The following FRMD4A variants were observed in gnomAD, a reference collection of about 807,000 sequenced individuals.
FRMD4A encodes FERM domain containing 4A, also known as FERM domain-containing protein 4A.
FRMD4A carries 29 observed loss-of-function variants against 129.1 expected under a neutral mutation model. The ratio of observed to expected loss-of-function variants is 0.22; its 90% CI spans 0.17 to 0.31. FRMD4A has a LOEUF of 0.31. Ranked by LOEUF, FRMD4A falls within the 10% of genes least tolerant of loss-of-function variation. The pLI is 1.00. For missense variants in FRMD4A, 1,272 were observed against 1,375.8 expected, an observed-to-expected ratio of 0.92 and a Z score of 1.19; for synonymous variants, 634 against 571.6, an observed-to-expected ratio of 1.11 and a Z score of -1.56.
chr10:14,244,534 G>C (rs956781031), intron 2 of FRMD4A, among the ~76,000 whole-genome samples: 2 of 152,170 alleles, frequency 1.3e-5, no homozygotes, highest in Admixed American at 6.5e-5. Flanking sequence ...ATTATAATTT[G>C]ATGTGATATT....
intron 2 of FRMD4A, among the ~76,000 whole-genome samples, chr10:14,163,613 C>T (rs143135760): frequency 1.6e-3 from 241 of 152,256 alleles, no homozygotes; most frequent in African/African-American, 5.3e-3. Flanking sequence ...GCACTCGTTA[C>T]GAGCACTTAA....
In FRMD4A at chr10:14,078,215, G is replaced by A. The variant is rs139456245; in HGVS notation, c.46-219303C>T. 3.3e-5 allele frequency among the ~76,000 whole-genome samples: 5 copies of A among 152,288 alleles called. No individual in the cohort carries two copies. The East Asian group carries it at 5.8e-4, about 18-fold the overall frequency. ...CTTAGCTGGAACATGAATGAACCCA[G>A]CCATGATTGCAACATTCTCATGGCC... On this transcript the variant is annotated intron_variant, in intron 2 of 24. Transcript: ENST00000357447.
chr10:14,256,113 A>C (rs1844606298), intron 2 of FRMD4A, among the ~76,000 whole-genome samples: 1 of 152,182 alleles, frequency 6.6e-6, no homozygotes, highest in African/African-American at 2.4e-5. Flanking sequence ...CAAATGTACC[A>C]AAAACATTTA....
At chr10:13,691,435 T>C (rs1199082249) in intron 15 of FRMD4A, among the ~76,000 whole-genome samples, 1 of 152,140 alleles carries the variant, frequency 6.6e-6, no homozygotes, top group Admixed American at 6.5e-5. Flanking sequence ...CCCGTGCAGA[T>C]GGACCAGGAC....
chr10:14,068,783 C>T (rs1835181024), intron 2 of FRMD4A, among the ~76,000 whole-genome samples: 1 of 151,954 alleles, frequency 6.6e-6, no homozygotes, highest in Non-Finnish European at 1.5e-5. Context: ...GAGTAGTTTC[C>T]TGTTTGTTTG....
chr10:13,742,899 G>C (rs555357484), intron 9 of FRMD4A, among the ~76,000 whole-genome samples: 2 of 152,286 alleles, frequency 1.3e-5, no homozygotes, highest in Admixed American at 1.3e-4. Flanking sequence ...AGCAAGGCCA[G>C]TGTTGGGGGT....
At chr10:13,662,371 A>T (rs1327759295) in intron 19 of FRMD4A, among the ~76,000 whole-genome samples, 3 of 152,218 alleles carry the variant, frequency 2.0e-5, no homozygotes, top group African/African-American at 7.2e-5. Context: ...TATCATTATT[A>T]CTATGACTAG....
At chr10:14,326,764 A>G (rs970081735) in intron 2 of FRMD4A, 1 of 398,140 alleles carries the variant, frequency 2.5e-6, no homozygotes, top group Non-Finnish European at 4.4e-6. Context: ...CACGCCCTCA[A>G]CAAATGACAC....
chr10:14,218,100 G>A (rs1843131187), intron 2 of FRMD4A, among the ~76,000 whole-genome samples: 1 of 152,214 alleles, frequency 6.6e-6, no homozygotes, highest in Non-Finnish European at 1.5e-5. Flanking sequence ...AAAGTGCTGG[G>A]ATTATAGGCA....
chr10:14,249,814 G>A (rs1047328474), intron 2 of FRMD4A, among the ~76,000 whole-genome samples: 5 of 152,078 alleles, frequency 3.3e-5, no homozygotes, highest in African/African-American at 1.2e-4. Context: ...ATCCTAAGTG[G>A]AAAAAACGAG....
intron 24 of FRMD4A, chr10:13,648,857 T>C (rs577430883): frequency 4.6e-5 from 7 of 152,000 alleles, no homozygotes; most frequent in Non-Finnish European, 1.0e-4. Flanking sequence ...CCCTAAGGGG[T>C]TTCATGAGAT....
At chr10:13,725,766 T>G (rs921698106) in intron 12 of FRMD4A, among the ~76,000 whole-genome samples, 1 of 152,230 alleles carries the variant, frequency 6.6e-6, no homozygotes, top group African/African-American at 2.4e-5. Flanking sequence ...GAGACGTTGT[T>G]TGCTTTTCGA....
intron 24 of FRMD4A, chr10:13,647,567 G>GT (rs2081207272): frequency 6.6e-6 from 1 of 152,136 alleles, no homozygotes; most frequent in Non-Finnish European, 1.5e-5. Context: ...CATTCAAAAT[G>GT]TGAGTTTTCC....
At chr10:14,211,459 T>G (rs2131956412) in intron 2 of FRMD4A, among the ~76,000 whole-genome samples, 1 of 152,338 alleles carries the variant, frequency 6.6e-6, no homozygotes, top group South Asian at 2.1e-4. Context: ...GCATCACTAT[T>G]GCATGGACCA....
chr10:14,082,023 T>G (rs955527397), intron 2 of FRMD4A, among the ~76,000 whole-genome samples: 1 of 152,096 alleles, frequency 6.6e-6, no homozygotes, highest in Non-Finnish European at 1.5e-5. Flanking sequence ...CTGAGGCAGG[T>G]GGATCACGAG....
intron 2 of FRMD4A, among the ~76,000 whole-genome samples, chr10:14,108,674 CACTT>C (rs1415684779): frequency 6.6e-6 from 1 of 152,148 alleles, no homozygotes; most frequent in Non-Finnish European, 1.5e-5. Context: ...AGAAAGAACA[CACTT>C]AAAGGCTGGG....
chr10:14,311,789 T>C (rs1360793862), intron 2 of FRMD4A, among the ~76,000 whole-genome samples: 1 of 152,154 alleles, frequency 6.6e-6, no homozygotes, highest in Non-Finnish European at 1.5e-5. Context: ...GATTTCTTCC[T>C]TCTTTGTATT....
intron 2 of FRMD4A, among the ~76,000 whole-genome samples, chr10:13,945,079 A>T (rs2095322218): frequency 6.6e-6 from 1 of 152,174 alleles, no homozygotes; most frequent in South Asian, 2.1e-4. Context: ...GTAACAGAGA[A>T]ATAGACCCAG....
chr10:13,791,074 GGACTGA>G (rs1458744232), intron 5 of FRMD4A, among the ~76,000 whole-genome samples: 1 of 152,150 alleles, frequency 6.6e-6, no homozygotes, highest in African/African-American at 2.4e-5. Context: ...TGCAGTGAGT[GGACTGA>G]GAAGCCACAA....
Sources: allele counts gnomAD v4.1 joint callset (sites outside exome capture counted in the v4.1 genomes callset), GRCh38; gene constraint gnomAD v4.1.1; transcripts MANE v1.5; gene names NCBI Gene and HGNC (gene_info 2026-07-23, HGNC 2026-07-21).